Variants in RASGRP1 observed in about 807,000 individuals in gnomAD.
RASGRP1 encodes RAS guanyl-releasing protein 1.
Under a neutral mutation model 95.1 loss-of-function variants are expected in RASGRP1, and 37 were observed. That is an observed-to-expected ratio of 0.39 (90% CI 0.30 to 0.51). The LOEUF is 0.51. Ranked by LOEUF, RASGRP1 falls within the 20% of genes least tolerant of loss-of-function variation. RASGRP1 has a pLI of 0.80. For missense variants in RASGRP1, 711 were observed against 965.4 expected, an observed-to-expected ratio of 0.74 and a Z score of 3.49; for synonymous variants, 325 against 353.4, an observed-to-expected ratio of 0.92 and a Z score of 0.90.
At chr15:38,494,093 A>T (rs1296924517) in intron 16 of RASGRP1, among the ~76,000 whole-genome samples, 4 of 152,182 alleles carry the variant, frequency 2.6e-5, no homozygotes, top group African/African-American at 9.7e-5. Context: ...CAGCACTCTG[A>T]AATGCCACCA....
At chr15:38,498,670 C>T in intron 15 of RASGRP1, 124 bp downstream of exon 15, 1 of 1,231,736 alleles carries the variant, frequency 8.1e-7, no homozygotes, top group Non-Finnish European at 1.1e-6. Flanking sequence ...AGGGGTCAGC[C>T]CTGGCCTAGC....
At chr15:38,557,629 GTATA>G (rs1555405016) in intron 2 of RASGRP1, among the ~76,000 whole-genome samples, 8 of 147,366 alleles carry the variant, frequency 5.4e-5, no homozygotes, top group Admixed American at 2.0e-4. Context: ...GTGTGTGTGT[GTATA>G]TATATATATA....
intron 2 of RASGRP1, among the ~76,000 whole-genome samples, chr15:38,555,459 C>T (rs975737169): frequency 1.3e-5 from 2 of 152,162 alleles, no homozygotes; most frequent in African/African-American, 4.8e-5. Context: ...CAGCCCTGTC[C>T]TATGTGGCAT....
In RASGRP1 at chr15:38,498,840, C is replaced by T; in HGVS notation, c.1827G>A (p.Gly609=). Residue 609 remains glycine, a synonymous_variant, in exon 15 of 17, where the codon GGG becomes GGA. Transcript: ENST00000310803. ...CCAATGAGCAAAGGTTGGACACTGG[C>T]CCCACAGAAGTGTTGTTCTCTGTGG... ...VAPTENNTSV[G]PVSNLCSLGA... The T allele has an allele frequency of 6.2e-7, 1 of 1,613,836 alleles. No individual in the cohort carries two copies. The highest frequency in any genetic ancestry group is 8.5e-7 in the Non-Finnish European group (1 of 1,179,870).
At chr15:38,564,218 C>A (rs1893931798) in intron 1 of RASGRP1, among the ~76,000 whole-genome samples, 1 of 152,226 alleles carries the variant, frequency 6.6e-6, no homozygotes, top group South Asian at 2.1e-4. Flanking sequence ...AGCCCAGCGC[C>A]CCAGCAGGTG....
intron 14 of RASGRP1, among the ~76,000 whole-genome samples, chr15:38,499,770 G>A (rs1407200957): frequency 6.6e-6 from 1 of 152,152 alleles, no homozygotes; most frequent in African/African-American, 2.4e-5. Context: ...ATGTGTCATG[G>A]GAGGGACCCA....
chr15:38,527,506 C>T (rs549912901), intron 2 of RASGRP1, among the ~76,000 whole-genome samples: 30 of 152,280 alleles, frequency 2.0e-4, no homozygotes, highest in South Asian at 4.1e-4. Flanking sequence ...TTTCTGGATA[C>T]ATCTCTTAAT....
intron 2 of RASGRP1, among the ~76,000 whole-genome samples, chr15:38,542,897 A>ATATATACACATATGTGTG (rs1566933533): frequency 7.2e-6 from 1 of 139,528 alleles, no homozygotes; most frequent in African/African-American, 2.6e-5. Context: ...ATATATGTGT[A>ATATATACACATATGTGTG]TATATATACA....
chr15:38,528,467 T>C (rs1892315055), intron 2 of RASGRP1, among the ~76,000 whole-genome samples: 1 of 152,174 alleles, frequency 6.6e-6, no homozygotes, highest in Non-Finnish European at 1.5e-5. Context: ...TTGATCCTTA[T>C]CTTACTTTAT....
chr15:38,542,400 C>T (rs888383682), intron 2 of RASGRP1, among the ~76,000 whole-genome samples: 7 of 151,916 alleles, frequency 4.6e-5, no homozygotes, highest in Admixed American at 3.3e-4. Context: ...AAGGCCTTAC[C>T]TAATACCTAC....
chr15:38,547,994 C>A (rs1045076353), intron 2 of RASGRP1, among the ~76,000 whole-genome samples: 2 of 126,984 alleles, frequency 1.6e-5, no homozygotes, highest in Non-Finnish European at 3.4e-5. Flanking sequence ...TTTTTTTGGT[C>A]TTTTTGGATA....
intron 2 of RASGRP1, among the ~76,000 whole-genome samples, chr15:38,556,299 G>T (rs191193234): frequency 2.0e-5 from 3 of 152,322 alleles, no homozygotes; most frequent in Non-Finnish European, 4.4e-5. Context: ...CTGTAACCTT[G>T]TATGTGACAC....
intron 4 of RASGRP1, 32 bp from the exon 5 acceptor site, chr15:38,518,455 A>T (rs1172036891): frequency 1.3e-6 from 2 of 1,582,336 alleles, no homozygotes; most frequent in Admixed American, 3.6e-5. Flanking sequence ...ACACAATCCA[A>T]AACTGATACC....
chr15:38,562,418 C>A (rs1463971621), intron 1 of RASGRP1, among the ~76,000 whole-genome samples: 1 of 152,180 alleles, frequency 6.6e-6, no homozygotes, highest in Non-Finnish European at 1.5e-5. Context: ...TAGAAGCCAG[C>A]CCCTTGTGGC....
In RASGRP1 at chr15:38,528,582, T is replaced by C. The variant is rs114869755; in HGVS notation, c.221-2178A>G. 4.7e-3 allele frequency among the ~76,000 whole-genome samples: 711 copies of C among 152,298 alleles called. 8 individuals carry two copies. The highest frequency in any genetic ancestry group is 0.016 in the African/African-American group (678 of 41,562). On this transcript the variant is annotated intron_variant, in intron 2 of 16. Transcript: ENST00000310803. ...GCATCACACTCTCTCAGCCTCTCTC[T>C]CAGGCTCTTCTTCTGTCTCCTCTTT...
chr15:38,511,750 G>A, intron 7 of RASGRP1, 30 bp from the exon 8 acceptor site: 1 of 1,531,528 alleles, frequency 6.5e-7, no homozygotes, highest in Non-Finnish European at 9.0e-7. Flanking sequence ...TGACAGCAGA[G>A]TCACTGTACA....
chr15:38,523,262 T>C (rs1262253670), intron 3 of RASGRP1, among the ~76,000 whole-genome samples: 1 of 152,206 alleles, frequency 6.6e-6, no homozygotes, highest in Non-Finnish European at 1.5e-5. Flanking sequence ...GAGATTACAA[T>C]GAAGTTGAAA....
chr15:38,523,671 C>T (rs76136740), intron 3 of RASGRP1, among the ~76,000 whole-genome samples: 17,326 of 152,172 alleles, frequency 0.11, 1,097 homozygotes, highest in East Asian at 0.3. Flanking sequence ...CTGCAAGCTC[C>T]ATTCATGGTA....
intron 2 of RASGRP1, among the ~76,000 whole-genome samples, chr15:38,548,253 A>T (rs1221116307): frequency 6.6e-6 from 1 of 152,144 alleles, no homozygotes; most frequent in Non-Finnish European, 1.5e-5. Flanking sequence ...AGGTTTGAGG[A>T]CACTTTTAAT....
Sources: gnomAD v4.1 joint callset for allele counts (sites outside exome capture counted in the v4.1 genomes callset) on GRCh38, gnomAD v4.1.1 for gene constraint, MANE v1.5 for transcripts, NCBI Gene and HGNC (gene_info 2026-07-23, HGNC 2026-07-21) for gene names.